Variants in DCDC1 observed in about 807,000 individuals in gnomAD.
DCDC1 encodes the protein doublecortin domain containing 1, also known as doublecortin domain-containing protein 1.
DCDC1 carries 200 observed loss-of-function variants against 178.3 expected under a neutral mutation model. That is an observed-to-expected ratio of 1.12 (90% CI 1.00 to 1.26). The LOEUF (loss-of-function observed/expected upper bound fraction) is 1.26. DCDC1 is among the 50% of genes most tolerant of loss of function. The pLI, the probability that DCDC1 is intolerant of heterozygous loss-of-function variation, is 0.00. For missense variants in DCDC1, 1,983 were observed against 1,749.2 expected, an observed-to-expected ratio of 1.13 and a Z score of -2.38; for synonymous variants, 690 against 604.8, an observed-to-expected ratio of 1.14 and a Z score of -2.07.
intron 17 of DCDC1, among the ~76,000 whole-genome samples, chr11:31,085,176 TTA>T (rs1491494461): frequency 1.6e-4 from 24 of 150,662 alleles, no homozygotes; most frequent in African/African-American, 5.4e-4. Context: ...GTTTTTTTTT[TTA>T]AAAAAAACTG....
intron 11 of DCDC1, among the ~76,000 whole-genome samples, chr11:31,123,982 A>G (rs1046655070): frequency 1.3e-5 from 2 of 152,074 alleles, no homozygotes; most frequent in Non-Finnish European, 2.9e-5. Flanking sequence ...ATACAACAAC[A>G]TGGCTTCTTT....
At chr11:31,142,918 G>T (rs1018159231) in intron 9 of DCDC1, among the ~76,000 whole-genome samples, 3 of 152,062 alleles carry the variant, frequency 2.0e-5, no homozygotes, top group Admixed American at 6.6e-5. Context: ...GGCAAGGAGG[G>T]TATTGGGAAC....
intron 9 of DCDC1, among the ~76,000 whole-genome samples, chr11:31,139,861 C>T (rs898490721): frequency 6.6e-6 from 1 of 152,084 alleles, no homozygotes. Context: ...AAAAGCATCA[C>T]AGCATAGTCC....
intron 1 of DCDC1, among the ~76,000 whole-genome samples, chr11:31,348,592 C>T (rs1950923499): frequency 6.6e-6 from 1 of 152,168 alleles, no homozygotes; most frequent in Non-Finnish European, 1.5e-5. Context: ...TCCACCAATG[C>T]TGAAACGGCA....
intron 9 of DCDC1, among the ~76,000 whole-genome samples, chr11:31,213,547 C>T (rs1382390254): frequency 6.6e-6 from 1 of 151,720 alleles, no homozygotes; most frequent in Non-Finnish European, 1.5e-5. Context: ...TGGTGAAACC[C>T]CATCTTTATT....
Position 30,887,167 on chromosome 11 carries a change from A to G in DCDC1, c.5082+5651T>C, listed in dbSNP as rs11031234. Among the ~76,000 whole-genome samples the G allele has an allele frequency of 4.1e-3, 618 of 152,332 alleles. 22 individuals carry two copies. The East Asian group carries it at 0.074, about 18-fold the overall frequency. On this transcript the variant is annotated intron_variant, in intron 36 of 38. Transcript: ENST00000684477. ...CCCTTGAAGGAGATAATGACATATCATGCATGGAAGAAATAGACTAAGCTC... is the reference window on the plus strand; with the variant it reads ...CCCTTGAAGGAGATAATGACATATCGTGCATGGAAGAAATAGACTAAGCTC...
chr11:31,071,018 A>G (rs1956524587), intron 18 of DCDC1, among the ~76,000 whole-genome samples: 1 of 152,200 alleles, frequency 6.6e-6, no homozygotes, highest in African/African-American at 2.4e-5. Context: ...ATAGAAACTT[A>G]GAAAATGTAG....
At chr11:30,992,958 A>G (rs1380208534) in intron 20 of DCDC1, among the ~76,000 whole-genome samples, 1 of 152,176 alleles carries the variant, frequency 6.6e-6, no homozygotes, top group African/African-American at 2.4e-5. Context: ...TGCACTTTGC[A>G]TATTTCATAA....
At chr11:31,300,124 G>T (rs542921358) in intron 6 of DCDC1, among the ~76,000 whole-genome samples, 1 of 152,234 alleles carries the variant, frequency 6.6e-6, no homozygotes, top group African/African-American at 2.4e-5. Flanking sequence ...CCAAAGTGCT[G>T]GGATTACAGG....
intron 18 of DCDC1, among the ~76,000 whole-genome samples, chr11:31,076,731 C>T (rs1374629302): frequency 6.6e-6 from 1 of 152,090 alleles, no homozygotes; most frequent in Non-Finnish European, 1.5e-5. Flanking sequence ...TTTTCAGATC[C>T]TCTTATTGGT....
At chr11:31,279,436 T>C (rs1180964150) in intron 7 of DCDC1, among the ~76,000 whole-genome samples, 1 of 152,158 alleles carries the variant, frequency 6.6e-6, no homozygotes, top group Non-Finnish European at 1.5e-5. Flanking sequence ...ATAAGACACA[T>C]GCACACGTAT....
chr11:31,369,416 TA>T (rs1465446237), intron 1 of DCDC1, among the ~76,000 whole-genome samples: 4 of 152,182 alleles, frequency 2.6e-5, no homozygotes, highest in Admixed American at 2.0e-4. Context: ...TAGAACATTG[TA>T]AAGGAACTGT....
intron 9 of DCDC1, among the ~76,000 whole-genome samples, chr11:31,169,851 C>A (rs1464386840): frequency 6.6e-6 from 1 of 152,142 alleles, no homozygotes; most frequent in Non-Finnish European, 1.5e-5. Flanking sequence ...GAGAAGGATG[C>A]AACCAACCTA....
intron 38 of DCDC1, among the ~76,000 whole-genome samples, chr11:30,874,888 A>T (rs1290102305): frequency 2.0e-5 from 3 of 152,198 alleles, no homozygotes; most frequent in Non-Finnish European, 4.4e-5. Context: ...CTGCAAGCCC[A>T]CAGAGGGATA....
chr11:31,069,224 A>G (rs1956421757), intron 18 of DCDC1, among the ~76,000 whole-genome samples: 1 of 152,172 alleles, frequency 6.6e-6, no homozygotes, highest in South Asian at 2.1e-4. Context: ...AATTGAAAAT[A>G]GTGATATTAT....
chr11:30,953,259 TATTA>T (rs1310454416), intron 20 of DCDC1, among the ~76,000 whole-genome samples: 1 of 148,518 alleles, frequency 6.7e-6, no homozygotes, highest in Non-Finnish European at 1.5e-5. Context: ...ATAGTAATTA[TATTA>T]ATTACATTAT....
intron 7 of DCDC1, among the ~76,000 whole-genome samples, chr11:31,279,113 C>T (rs771299354): frequency 6.6e-6 from 1 of 152,090 alleles, no homozygotes; most frequent in Non-Finnish European, 1.5e-5. Flanking sequence ...CTTGGACCTT[C>T]TTTCATTTCT....
intron 20 of DCDC1, among the ~76,000 whole-genome samples, chr11:31,037,628 A>G (rs1265180813): frequency 1.3e-5 from 2 of 151,604 alleles, no homozygotes; most frequent in African/African-American, 4.8e-5. Flanking sequence ...TAGCCCGGAT[A>G]ATTTTTCGTA....
At chr11:31,173,921 C>A (rs921012761) in intron 9 of DCDC1, among the ~76,000 whole-genome samples, 3 of 152,164 alleles carry the variant, frequency 2.0e-5, no homozygotes, top group African/African-American at 7.2e-5. Context: ...CTGTCTAGGG[C>A]AGCTGCTGCC....
Sources: gnomAD v4.1 joint callset for allele counts (sites outside exome capture counted in the v4.1 genomes callset) on GRCh38, gnomAD v4.1.1 for gene constraint, MANE v1.5 for transcripts, NCBI Gene and HGNC (gene_info 2026-07-23, HGNC 2026-07-21) for gene names.